The following DDC variants were observed in gnomAD, a reference collection of about 807,000 sequenced individuals.
DDC encodes the protein aromatic-L-amino-acid decarboxylase.
A neutral mutation model predicts 60.0 loss-of-function variants in DDC; 43 were observed. The ratio of observed to expected loss-of-function variants is 0.72; its 90% CI spans 0.56 to 0.92. The LOEUF (loss-of-function observed/expected upper bound fraction) is 0.92, where lower values mean the gene tolerates loss of function less well. DDC is among the 40% of genes least tolerant of loss of function. The pLI is 0.00. For missense variants in DDC, 573 were observed against 620.2 expected, an observed-to-expected ratio of 0.92 and a Z score of 0.81; for synonymous variants, 232 against 234.6, an observed-to-expected ratio of 0.99 and a Z score of 0.10.
intron 14 of DDC, among the ~76,000 whole-genome samples, chr7:50,462,226 C>A (rs370785973): frequency 0.012 from 871 of 75,244 alleles, no homozygotes; most frequent in Middle Eastern, 0.019. Flanking sequence ...GACAAAAAGA[C>A]AAAAAAAAAA....
chr7:50,477,233 C>T lies in DDC; in HGVS notation c.1022-590G>A, dbSNP rs188499094. Among the ~76,000 whole-genome samples, 3 of 152,258 alleles carry T rather than the reference C, an allele frequency of 2.0e-5. No individual in the cohort carries two copies. In the East Asian group the frequency reaches 5.8e-4, roughly 29 times the overall value. On this transcript the variant is annotated intron_variant, in intron 10 of 14. Transcript: ENST00000444124. ...ATTTGCTTTTGAGCCTCCCCTCATGCCTAAAGCAGCAAACCCCAGGACAAT... is the reference window on the plus strand; with the variant it reads ...ATTTGCTTTTGAGCCTCCCCTCATGTCTAAAGCAGCAAACCCCAGGACAAT...
At chr7:50,475,892 G>A (rs1404394732) in intron 11 of DDC, among the ~76,000 whole-genome samples, 1 of 152,052 alleles carries the variant, frequency 6.6e-6, no homozygotes, top group Non-Finnish European at 1.5e-5. Flanking sequence ...GTTTCACCAT[G>A]TTGGCCAGGC....
chr7:50,557,350 T>A (rs1433846458), intron 1 of DDC, among the ~76,000 whole-genome samples: 2 of 152,230 alleles, frequency 1.3e-5, no homozygotes, highest in Non-Finnish European at 2.9e-5. Context: ...CTCATATCTC[T>A]GTAACCATGC....
At chr7:50,484,814 G>A (rs2153537158) in intron 9 of DDC, among the ~76,000 whole-genome samples, 1 of 152,230 alleles carries the variant, frequency 6.6e-6, no homozygotes, top group African/African-American at 2.4e-5. Context: ...TGAAAGCCTG[G>A]CTCCTTACGT....
chr7:50,543,847 C>A (rs2044714266), intron 2 of DDC, 38 bp downstream of exon 2: 6 of 1,594,752 alleles, frequency 3.8e-6, no homozygotes, highest in Non-Finnish European at 5.2e-6. Flanking sequence ...TATGTGAGTT[C>A]TAGCCCTCCT....
chr7:50,498,850 T>G (rs2043181139), intron 8 of DDC, among the ~76,000 whole-genome samples: 1 of 152,240 alleles, frequency 6.6e-6, no homozygotes, highest in South Asian at 2.1e-4. Flanking sequence ...TTAAGTTCAT[T>G]AAGATTTTAT....
At chr7:50,549,409 T>C (rs1426769535) in intron 1 of DDC, among the ~76,000 whole-genome samples, 1 of 152,050 alleles carries the variant, frequency 6.6e-6, no homozygotes, top group Admixed American at 6.5e-5. Context: ...TCCCAGCACT[T>C]TGGGAGGCCA....
At chr7:50,477,541 GC>G in intron 10 of DDC, 1 of 456,768 alleles carries the variant, frequency 2.2e-6, no homozygotes, top group South Asian at 1.5e-5. Context: ...TACAACCCAC[GC>G]CCCACCCTGC....
intron 1 of DDC, among the ~76,000 whole-genome samples, chr7:50,552,804 A>T (rs1281186019): frequency 6.6e-6 from 1 of 152,056 alleles, no homozygotes; most frequent in Admixed American, 6.5e-5. Flanking sequence ...ATTGGACTCT[A>T]CTCTCTACCT....
intron 1 of DDC, among the ~76,000 whole-genome samples, chr7:50,553,822 A>G (rs372790006): frequency 6.6e-6 from 1 of 152,272 alleles, no homozygotes; most frequent in African/African-American, 2.4e-5. Context: ...CTGTGGGTTC[A>G]AAGACCATAA....
At chr7:50,522,556 C>A (rs1366303958) in intron 6 of DDC, among the ~76,000 whole-genome samples, 4 of 152,048 alleles carry the variant, frequency 2.6e-5, no homozygotes, top group Non-Finnish European at 5.9e-5. Context: ...ATGGTATTGG[C>A]AAAGGAAGAG....
intron 4 of DDC, chr7:50,531,826 C>T (rs567558035): frequency 6.6e-6 from 1 of 152,188 alleles, no homozygotes; most frequent in South Asian, 2.1e-4. Flanking sequence ...AGAGCAGGAA[C>T]GATGGCTCTG....
At chr7:50,486,006 G>A (rs2042872936) in intron 9 of DDC, among the ~76,000 whole-genome samples, 1 of 152,176 alleles carries the variant, frequency 6.6e-6, no homozygotes, top group Admixed American at 6.6e-5. Flanking sequence ...TAATGTAACG[G>A]TGTCTAGAGG....
chr7:50,471,903 T>C (rs1248763734), intron 11 of DDC, among the ~76,000 whole-genome samples: 2 of 152,182 alleles, frequency 1.3e-5, no homozygotes, highest in African/African-American at 4.8e-5. Flanking sequence ...GGCGCTGTGT[T>C]CCAAAATCAT....
At chr7:50,479,704 C>G (rs536353640) in intron 10 of DDC, 83 bp downstream of exon 10, 2 of 1,174,110 alleles carry the variant, frequency 1.7e-6, no homozygotes, top group Non-Finnish European at 2.6e-6. Flanking sequence ...GGATGGTCTT[C>G]CCCTAACTCC....
At chr7:50,483,328 C>T (rs1585162954) in intron 9 of DDC, among the ~76,000 whole-genome samples, 1 of 152,222 alleles carries the variant, frequency 6.6e-6, no homozygotes, top group Admixed American at 6.5e-5. Context: ...TTAAACCATC[C>T]TGCCATATCC....
intron 9 of DDC, among the ~76,000 whole-genome samples, chr7:50,490,679 GCT>G (rs1260140002): frequency 6.6e-6 from 1 of 152,066 alleles, no homozygotes; most frequent in South Asian, 2.1e-4. Flanking sequence ...ACAGAGCAAG[GCT>G]CTGTCTCAAC....
chr7:50,510,423 C>G (rs1475799060), intron 6 of DDC, among the ~76,000 whole-genome samples: 2 of 152,070 alleles, frequency 1.3e-5, no homozygotes, highest in Non-Finnish European at 2.9e-5. Context: ...AATCCCAGCA[C>G]TTTGGGAGGC....
At chr7:50,546,516 C>CA (rs1466838834) in intron 1 of DDC, among the ~76,000 whole-genome samples, 2 of 152,184 alleles carry the variant, frequency 1.3e-5, no homozygotes, top group African/African-American at 4.8e-5. Flanking sequence ...CAAAGTTGTG[C>CA]TCAGAAGGCC....
Sources: gnomAD v4.1 joint callset for allele counts (sites outside exome capture counted in the v4.1 genomes callset) on GRCh38, gnomAD v4.1.1 for gene constraint, MANE v1.5 for transcripts, NCBI Gene and HGNC (gene_info 2026-07-23, HGNC 2026-07-21) for gene names.